ADAM22: variants seen among roughly 807,000 people sequenced by gnomAD.
The protein encoded by ADAM22 is disintegrin and metalloproteinase domain-containing protein 22.
In ADAM22, 65 loss-of-function variants were observed where a neutral mutation model predicts 144.6. The ratio of observed to expected loss-of-function variants is 0.45; its 90% CI spans 0.37 to 0.55. The LOEUF (loss-of-function observed/expected upper bound fraction) is 0.55, where lower values mean the gene tolerates loss of function less well. Ranked by LOEUF, ADAM22 falls within the 20% of genes least tolerant of loss-of-function variation. ADAM22 has a pLI of 0.00. For missense variants in ADAM22, 974 were observed against 1,184.9 expected (o/e 0.82, Z 2.61); for synonymous variants, 391 against 412.6 (o/e 0.95, Z 0.63).
chr7:88,151,406 G>T, intron 20 of ADAM22, 86 bp downstream of exon 20: 1 of 1,483,244 alleles, frequency 6.7e-7, no homozygotes, highest in South Asian at 1.1e-5. Context: ...GTAAATTTTT[G>T]ACTACTTTAT....
At chr7:88,153,414 A>G (rs1227610928) in intron 21 of ADAM22, 88 bp downstream of exon 21, 8 of 1,081,504 alleles carry the variant, frequency 7.4e-6, no homozygotes, top group South Asian at 1.5e-5. Context: ...TGCTTTCTGC[A>G]TCACACAAAG....
intron 3 of ADAM22, among the ~76,000 whole-genome samples, chr7:87,987,056 T>TA: frequency 6.6e-6 from 1 of 152,358 alleles, no homozygotes; most frequent in Admixed American, 6.5e-5. Context: ...ACCTTTAATG[T>TA]AATTAAATGT....
chr7:88,063,130 A>C lies in ADAM22; in HGVS notation c.324-12496A>C, dbSNP rs942954520. On this transcript the variant is annotated intron_variant, in intron 3 of 31. Transcript: ENST00000413139. ...ACTTGCTTGGTGCCGGATTGTTACA[A>C]ACCTTCAATTTGTAAAACAACAATA... 2.0e-5 allele frequency among the ~76,000 whole-genome samples: 3 copies of C among 152,204 alleles called. No individual in the cohort carries two copies. The East Asian group carries it at 5.8e-4, about 29-fold the overall frequency.
At chr7:88,158,084 A>C (rs1052879286) in intron 22 of ADAM22, among the ~76,000 whole-genome samples, 1 of 152,164 alleles carries the variant, frequency 6.6e-6, no homozygotes, top group African/African-American at 2.4e-5. Flanking sequence ...GAAATCAGAA[A>C]AAAAGCAGGG....
chr7:87,999,911 G>C (rs1792124658), intron 3 of ADAM22, among the ~76,000 whole-genome samples: 1 of 151,858 alleles, frequency 6.6e-6, no homozygotes, highest in Non-Finnish European at 1.5e-5. Context: ...GGAGCTCCAG[G>C]CTGTAGTGTT....
intron 17 of ADAM22, among the ~76,000 whole-genome samples, chr7:88,148,089 A>G (rs985617279): frequency 6.6e-6 from 1 of 152,162 alleles, no homozygotes; most frequent in Non-Finnish European, 1.5e-5. Context: ...TGGGCAGTGC[A>G]TGTTCTAGGA....
intron 4 of ADAM22, among the ~76,000 whole-genome samples, chr7:88,090,545 C>T (rs1447684066): frequency 6.6e-6 from 1 of 152,122 alleles, no homozygotes. Flanking sequence ...TTTATCAATA[C>T]ATCTTCATAC....
At chr7:87,975,631 GT>G (rs1851731301) in intron 2 of ADAM22, among the ~76,000 whole-genome samples, 1 of 152,196 alleles carries the variant, frequency 6.6e-6, no homozygotes, top group South Asian at 2.1e-4. Context: ...GATACCAGAT[GT>G]AAAATGGAGC....
intron 21 of ADAM22, 49 bp from the exon 22 acceptor site, chr7:88,155,838 G>A (rs774313994): frequency 6.3e-7 from 1 of 1,598,410 alleles, no homozygotes; most frequent in Non-Finnish European, 8.5e-7. Context: ...ACTGTACATG[G>A]TTTGCTATAT....
intron 3 of ADAM22, among the ~76,000 whole-genome samples, chr7:87,994,165 C>CT (rs1163356524): frequency 0.027 from 3,872 of 143,310 alleles, 115 homozygotes; most frequent in Admixed American, 0.072. Context: ...ACTGTCATTC[C>CT]TTTTTTTTTT....
At chr7:88,024,403 C>G (rs1196687528) in intron 3 of ADAM22, among the ~76,000 whole-genome samples, 1 of 152,070 alleles carries the variant, frequency 6.6e-6, no homozygotes, top group Non-Finnish European at 1.5e-5. Context: ...GAGATGATAC[C>G]TCATTGTAGT....
In ADAM22 at chr7:87,934,912, G is replaced by T. The variant is rs769426801; in HGVS notation, c.86-114G>T. 6.2e-6 allele frequency: 9 copies of T among 1,440,576 alleles called. No individual in the cohort carries two copies. In the African/African-American group the frequency reaches 1.3e-4, roughly 20 times the overall value. 89.2% of individuals were successfully genotyped at this position (1,440,576 alleles called of 1,614,324 possible). A position where few individuals can be genotyped will look rare whatever the true frequency, so the allele number is the denominator to read the frequency against. On this transcript the variant is annotated intron_variant, in intron 1 of 31. Coordinates refer to ENST00000413139, the MANE Select transcript of ADAM22 (RefSeq NM_001324418.2). Reference sequence around the variant, plus strand: ...CCAGTTGGGTTCCGAGAGGGAGGGGGCGGTGGGGATTTTCGTAGGGGAGAC... The same window carrying T: ...CCAGTTGGGTTCCGAGAGGGAGGGGTCGGTGGGGATTTTCGTAGGGGAGAC...
At chr7:88,083,572 C>G (rs556076928) in intron 4 of ADAM22, among the ~76,000 whole-genome samples, 2 of 139,468 alleles carry the variant, frequency 1.4e-5, no homozygotes, top group African/African-American at 2.8e-5. Flanking sequence ...TTTTTTTTCT[C>G]TTTTTACTTT....
At chr7:87,943,063 C>G (rs968820648) in intron 2 of ADAM22, among the ~76,000 whole-genome samples, 32 of 150,932 alleles carry the variant, frequency 2.1e-4, no homozygotes, top group Non-Finnish European at 3.8e-4. Flanking sequence ...CACTTGCAAG[C>G]AAACATTGGG....
At chr7:88,125,786 C>T (rs1232864444) in intron 8 of ADAM22, 127 bp downstream of exon 8, 9 of 677,244 alleles carry the variant, frequency 1.3e-5, no homozygotes, top group African/African-American at 3.8e-5. Context: ...TGTGATAAAC[C>T]GTAAGGGTGA....
At chr7:88,154,569 C>T (rs1260280245) in intron 21 of ADAM22, among the ~76,000 whole-genome samples, 4 of 151,858 alleles carry the variant, frequency 2.6e-5, no homozygotes, top group Admixed American at 6.6e-5. Context: ...CTTATTTGTC[C>T]GTAATTTTGT....
At chr7:87,952,876 T>G (rs1845624820) in intron 2 of ADAM22, among the ~76,000 whole-genome samples, 1 of 152,136 alleles carries the variant, frequency 6.6e-6, no homozygotes, top group Admixed American at 6.5e-5. Flanking sequence ...CTTGGGAGGG[T>G]GTATGTGTTG....
Position 87,950,708 on chromosome 7 carries a change from C to T in ADAM22, c.246+15522C>T, listed in dbSNP as rs561018384. Among the ~76,000 whole-genome samples the T allele has an allele frequency of 8.6e-3, 1,262 of 146,014 alleles. 13 individuals carry two copies. Among genetic ancestry groups the T allele is most frequent in the African/African-American group, 0.025 (962 of 38,700 alleles). ...TTCTAGTTCTAGATCCCTGAGGAAT[C>T]GCCACACTGACTTCCACAATGGTTG... On this transcript the variant is annotated intron_variant, in intron 2 of 31. Coordinates refer to ENST00000413139, the MANE Select transcript of ADAM22 (RefSeq NM_001324418.2).
At position 87,982,098 on chromosome 7, in the gene ADAM22, CACACACACACAT is replaced by C. The variant is rs1397000762; in HGVS notation, c.323+3687_323+3698del. On this transcript the variant is annotated intron_variant, in intron 3 of 31. Coordinates refer to ENST00000413139, the MANE Select transcript of ADAM22 (RefSeq NM_001324418.2). ...ACACACACACACACACACACACACA[CACACACACACAT>C]GCATACACAAGTTTTCTAAGCCTCT... 1.1e-3 allele frequency among the ~76,000 whole-genome samples: 170 copies of C among 150,544 alleles called. 2 individuals carry two copies. Among genetic ancestry groups the C allele is most frequent in the African/African-American group, 3.7e-3 (153 of 40,938 alleles).
Sources: allele counts gnomAD v4.1 joint callset (sites outside exome capture counted in the v4.1 genomes callset), GRCh38; gene constraint gnomAD v4.1.1; transcripts MANE v1.5; gene names NCBI Gene and HGNC (gene_info 2026-07-23, HGNC 2026-07-21).